The following POU2F1 variants were observed in gnomAD, a reference collection of about 807,000 sequenced individuals.
POU2F1 encodes the protein POU class 2 homeobox 1.
Under a neutral mutation model 84.9 loss-of-function variants are expected in POU2F1, and 16 were observed. That is an observed-to-expected ratio of 0.19 (90% confidence interval 0.13 to 0.29). The LOEUF (loss-of-function observed/expected upper bound fraction) is 0.29, where lower values mean the gene tolerates loss of function less well. POU2F1 is among the 10% of genes least tolerant of loss of function. POU2F1 has a pLI of 1.00. For synonymous variants in POU2F1, 368 were observed against 368.3 expected, an observed-to-expected ratio of 1.00 and a Z score of 0.01; for missense variants, 738 against 942.6, an observed-to-expected ratio of 0.78 and a Z score of 2.84.
chr1:167,329,598 C>T (rs1334026344), intron 1 of POU2F1, among the ~76,000 whole-genome samples: 1 of 152,102 alleles, frequency 6.6e-6, no homozygotes, highest in Non-Finnish European at 1.5e-5. Flanking sequence ...CTATTGAGAA[C>T]ATTTCATGTA....
At chr1:167,360,120 G>T (rs1424242661) in intron 2 of POU2F1, among the ~76,000 whole-genome samples, 2 of 152,122 alleles carry the variant, frequency 1.3e-5, no homozygotes, top group African/African-American at 4.8e-5. Context: ...TCTGTAGGTT[G>T]TTTATTCTGT....
At chr1:167,221,558 C>T (rs1219494239) in intron 1 of POU2F1, among the ~76,000 whole-genome samples, 1 of 148,752 alleles carries the variant, frequency 6.7e-6, no homozygotes, top group African/African-American at 2.5e-5. Context: ...CGGGCCCGGG[C>T]GGGGGGGCGC....
At chr1:167,248,254 A>G (rs1487165752) in intron 1 of POU2F1, among the ~76,000 whole-genome samples, 1 of 152,266 alleles carries the variant, frequency 6.6e-6, no homozygotes, top group African/African-American at 2.4e-5. Flanking sequence ...GCAAGTTAGT[A>G]GATGAACTTA....
chr1:167,416,169 C>A lies in POU2F1; in HGVS notation c.*359C>A. On this transcript the variant is annotated 3_prime_UTR_variant, in exon 16 of 16. Transcript: ENST00000367866. ...AGGACTACTTATCATTTCCAGCAGTCATGATGACAAGTTAAGGTGGGTTAC... is the reference window on the plus strand; with the variant it reads ...AGGACTACTTATCATTTCCAGCAGTAATGATGACAAGTTAAGGTGGGTTAC... 2 of 368,380 alleles carry A rather than the reference C, an allele frequency of 5.4e-6. No individual in the cohort carries two copies. Among genetic ancestry groups the A allele is most frequent in the Non-Finnish European group, 1.0e-5 (2 of 197,110 alleles). 22.8% of individuals were successfully genotyped at this position (368,380 alleles called of 1,614,324 possible).
chr1:167,309,208 A>G (rs889118501), intron 1 of POU2F1, among the ~76,000 whole-genome samples: 3 of 151,784 alleles, frequency 2.0e-5, no homozygotes, highest in Non-Finnish European at 2.9e-5. Flanking sequence ...TAGGGGTACT[A>G]TTGCCCCCAG....
At chr1:167,283,746 AATTTGCT>A (rs1557867750) in intron 1 of POU2F1, among the ~76,000 whole-genome samples, 1 of 152,138 alleles carries the variant, frequency 6.6e-6, no homozygotes, top group Non-Finnish European at 1.5e-5. Context: ...AGAAGACAAG[AATTTGCT>A]ATTTTCTATA....
rs372135551 is a variant in POU2F1 at position 167,332,463 on chromosome 1, A to G, written c.62-7A>G. 8.1e-6 allele frequency: 13 copies of G among 1,604,906 alleles called. No homozygotes were observed. Among genetic ancestry groups the G allele is most frequent in the Non-Finnish European group, 1.1e-5 (13 of 1,171,900 alleles). ...TAAAAACCTTATTCTCCTCTGATTT[A>G]TTGCAGACTCAAGAATGAACAATCC... On this transcript the variant is annotated splice_region_variant and splice_polypyrimidine_tract_variant and intron_variant, in intron 1 of 15. Coordinates refer to ENST00000367866, the MANE Select transcript of POU2F1 (RefSeq NM_002697.4).
chr1:167,316,946 C>T (rs1655948070), intron 1 of POU2F1, among the ~76,000 whole-genome samples: 1 of 152,166 alleles, frequency 6.6e-6, no homozygotes, highest in Admixed American at 6.5e-5. Context: ...GGCTGGAGTG[C>T]AGTGGTGCAG....
intron 5 of POU2F1, among the ~76,000 whole-genome samples, chr1:167,373,093 A>G (rs918015310): frequency 6.6e-6 from 1 of 152,162 alleles, no homozygotes; most frequent in Non-Finnish European, 1.5e-5. Flanking sequence ...TTATATACAC[A>G]CATATCCCTT....
At position 167,418,693 on chromosome 1, in the gene POU2F1, C is replaced by T. The variant is rs1485867157; in HGVS notation, c.*2883C>T. 1.3e-5 allele frequency: 2 copies of T among 152,008 alleles called. No individual in the cohort carries two copies. The highest frequency in any genetic ancestry group is 4.8e-5 in the African/African-American group (2 of 41,374). 9.4% of individuals were successfully genotyped at this position (152,008 alleles called of 1,614,324 possible). A position where few individuals can be genotyped will look rare whatever the true frequency, so the allele number is the denominator to read the frequency against. ...CCCCACATATGGTTTAGAAAATGAT[C>T]CCTTTCCCAAACAAAACTCACCAAC... On this transcript the variant is annotated 3_prime_UTR_variant, in exon 16 of 16. Transcript: ENST00000367866.
chr1:167,321,424 A>G (rs997631519), intron 1 of POU2F1, among the ~76,000 whole-genome samples: 1 of 152,246 alleles, frequency 6.6e-6, no homozygotes, highest in African/African-American at 2.4e-5. Context: ...TTTTGGAATC[A>G]TAGCAGGAGA....
rs1650246809 is a variant in POU2F1 at position 167,415,574 on chromosome 1, G to A, written c.2065G>A (p.Gly689Arg). The A allele has an allele frequency of 1.2e-6, 2 of 1,613,972 alleles. No homozygotes were observed. The highest frequency in any genetic ancestry group is 3.3e-5 in the Admixed American group (2 of 59,992). ...TGNLVFANAG[G>R]APNIVTAPLF... The stretch of plus-strand genomic sequence containing the variant: ...GAACCTGGTATTTGCCAATGCGGGA[G>A]GAGCCCCCAACATCGTGACTGCCCC... Residue 689 changes from glycine (G) to arginine (R), a missense_variant, in exon 16 of 16, where the codon GGA becomes AGA. Gly to Arg is a moderately radical substitution (Grantham distance 125, BLOSUM62 -2). Coordinates refer to ENST00000367866, the MANE Select transcript of POU2F1 (RefSeq NM_002697.4).
chr1:167,276,540 T>A (rs1652742188), intron 1 of POU2F1, among the ~76,000 whole-genome samples: 1 of 152,168 alleles, frequency 6.6e-6, no homozygotes, highest in African/African-American at 2.4e-5. Flanking sequence ...CCCCCACAGA[T>A]AAGAGGGGAC....
chr1:167,402,408 A>G (rs954290422), intron 13 of POU2F1, among the ~76,000 whole-genome samples: 4 of 152,226 alleles, frequency 2.6e-5, no homozygotes, highest in Non-Finnish European at 4.4e-5. Flanking sequence ...TAAAAATTGA[A>G]TAAATGGCTT....
At chr1:167,285,562 C>T (rs901525587) in intron 1 of POU2F1, among the ~76,000 whole-genome samples, 1 of 151,214 alleles carries the variant, frequency 6.6e-6, no homozygotes, top group Non-Finnish European at 1.5e-5. Flanking sequence ...CACTGCACTC[C>T]AGCCTGGGTG....
At chr1:167,378,326 C>G (rs1000387447) in intron 7 of POU2F1, among the ~76,000 whole-genome samples, 1 of 152,180 alleles carries the variant, frequency 6.6e-6, no homozygotes, top group Non-Finnish European at 1.5e-5. Flanking sequence ...ACCTCCGCCT[C>G]CCAGGTTCAA....
chr1:167,291,870 G>C (rs1285393216), intron 1 of POU2F1, among the ~76,000 whole-genome samples: 2 of 152,132 alleles, frequency 1.3e-5, no homozygotes, highest in African/African-American at 4.8e-5. Context: ...AATATTATTA[G>C]AGTAACAACA....
At chr1:167,283,059 T>C (rs1180242379) in intron 1 of POU2F1, among the ~76,000 whole-genome samples, 1 of 152,232 alleles carries the variant, frequency 6.6e-6, no homozygotes, top group East Asian at 1.9e-4. Flanking sequence ...ATTACTATCT[T>C]GTGTATACCT....
intron 2 of POU2F1, among the ~76,000 whole-genome samples, chr1:167,356,553 G>A (rs558123709): frequency 3.9e-5 from 6 of 152,122 alleles, no homozygotes; most frequent in South Asian, 2.1e-4. Context: ...ATGTGTTACC[G>A]GTAGAAGGTA....
Sources: allele counts gnomAD v4.1 joint callset (sites outside exome capture counted in the v4.1 genomes callset), GRCh38; gene constraint gnomAD v4.1.1; transcripts MANE v1.5; gene names NCBI Gene and HGNC (gene_info 2026-07-23, HGNC 2026-07-21).